Variants in AKAP13 observed in about 807,000 individuals in gnomAD.
AKAP13 encodes the protein A-kinase anchoring protein 13, also known as A-kinase anchor protein 13.
A neutral mutation model predicts 264.5 loss-of-function variants in AKAP13; 80 were observed. That is an observed-to-expected ratio of 0.30 (90% CI 0.25 to 0.36). The LOEUF (loss-of-function observed/expected upper bound fraction) is 0.36, where lower values mean the gene tolerates loss of function less well. Ranked by LOEUF, AKAP13 falls within the 10% of genes least tolerant of loss-of-function variation. AKAP13 has a pLI of 1.00. For synonymous variants in AKAP13, 1,380 were observed against 1,250.2 expected (o/e 1.10, Z -2.19); for missense variants, 3,712 against 3,435.2 (o/e 1.08, Z -2.01).
chr15:85,686,145 C>CTGTG (rs36166313), intron 16 of AKAP13, among the ~76,000 whole-genome samples: 29,607 of 149,408 alleles, frequency 0.2, 3,030 homozygotes, highest in Non-Finnish European at 0.22. Flanking sequence ...CAAGGAATCA[C>CTGTG]TGTGTGTGTG....
At chr15:85,690,473 A>G (rs1198741637) in intron 16 of AKAP13, among the ~76,000 whole-genome samples, 1 of 152,208 alleles carries the variant, frequency 6.6e-6, no homozygotes, top group Non-Finnish European at 1.5e-5. Context: ...TACTTTAGTG[A>G]TTACCAATTT....
At chr15:85,530,393 T>G (rs1051084172) in intron 3 of AKAP13, among the ~76,000 whole-genome samples, 1 of 152,172 alleles carries the variant, frequency 6.6e-6, no homozygotes, top group East Asian at 1.9e-4. Context: ...CCCTTTCTGA[T>G]TCAAGGGTTC....
At chr15:85,443,064 TA>T (rs953294644) in intron 1 of AKAP13, among the ~76,000 whole-genome samples, 145 of 152,276 alleles carry the variant, frequency 9.5e-4, no homozygotes, top group African/African-American at 3.3e-3. Flanking sequence ...GGGGAAAACT[TA>T]AGTATCATTC....
At position 85,735,419 on chromosome 15, in the gene AKAP13, T is replaced by G. The variant is rs1015475394; in HGVS notation, c.7442-141T>G. 4 of 894,398 alleles carry G rather than the reference T, an allele frequency of 4.5e-6. No individual in the cohort carries two copies. In the African/African-American group the frequency reaches 6.8e-5, roughly 15 times the overall value. 55.4% of individuals were successfully genotyped at this position (894,398 alleles called of 1,614,324 possible). On this transcript the variant is annotated intron_variant, in intron 31 of 36. Coordinates refer to ENST00000394518, the MANE Select transcript of AKAP13 (RefSeq NM_007200.5). ...GTAAAATTATTAATAATCACTTAGCTGCCACCAAGCAGCTCCCCCTTTTTG... is the reference window on the plus strand; with the variant it reads ...GTAAAATTATTAATAATCACTTAGCGGCCACCAAGCAGCTCCCCCTTTTTG...
At chr15:85,401,463 C>T (rs758597606) in intron 1 of AKAP13, among the ~76,000 whole-genome samples, 3 of 152,162 alleles carry the variant, frequency 2.0e-5, no homozygotes, top group Non-Finnish European at 4.4e-5. Flanking sequence ...GCAAGGCCAG[C>T]TTTGATTTGT....
At chr15:85,684,704 C>T in intron 15 of AKAP13, 37 bp from the exon 16 acceptor site, 1 of 1,586,168 alleles carries the variant, frequency 6.3e-7, no homozygotes, top group South Asian at 1.1e-5. Context: ...ACTTCTGTAG[C>T]CCTTTAAAAA....
intron 8 of AKAP13, among the ~76,000 whole-genome samples, chr15:85,604,557 G>A (rs768246974): frequency 2.0e-5 from 3 of 151,446 alleles, no homozygotes; most frequent in Non-Finnish European, 4.4e-5. Context: ...TCTGCCTCCC[G>A]GGTTCAAGCA....
chr15:85,410,327 G>T (rs773642971), intron 1 of AKAP13, among the ~76,000 whole-genome samples: 3 of 151,580 alleles, frequency 2.0e-5, no homozygotes, highest in Non-Finnish European at 4.4e-5. Flanking sequence ...CCCTACTCAT[G>T]CCCTTCTTGT....
chr15:85,710,150 C>A (rs2086557772), intron 18 of AKAP13, among the ~76,000 whole-genome samples: 1 of 152,148 alleles, frequency 6.6e-6, no homozygotes, highest in South Asian at 2.1e-4. Context: ...CTTATAAATG[C>A]TAGTTACTGG....
At chr15:85,456,518 AAAGGC>A (rs2074283860) in intron 1 of AKAP13, among the ~76,000 whole-genome samples, 1 of 150,910 alleles carries the variant, frequency 6.6e-6, no homozygotes, top group African/African-American at 2.4e-5. Context: ...GGGCTACCCC[AAAGGC>A]AGTGTTCCCA....
At chr15:85,453,691 G>A (rs1403156036) in intron 1 of AKAP13, among the ~76,000 whole-genome samples, 1 of 152,194 alleles carries the variant, frequency 6.6e-6, no homozygotes, top group East Asian at 1.9e-4. Context: ...GGTTGCCTCA[G>A]ACACTCTGAA....
intron 2 of AKAP13, among the ~76,000 whole-genome samples, chr15:85,506,597 A>G (rs1044049909): frequency 6.6e-6 from 1 of 152,242 alleles, no homozygotes; most frequent in African/African-American, 2.4e-5. Flanking sequence ...TGCTATGGAA[A>G]AAATAAAGCA....
chr15:85,731,610 G>T (rs1266626570), intron 30 of AKAP13, among the ~76,000 whole-genome samples: 4 of 151,942 alleles, frequency 2.6e-5, no homozygotes, highest in Non-Finnish European at 5.9e-5. Flanking sequence ...TTATAGTGTT[G>T]TGTTCTTTCA....
chr15:85,567,941 GGTGTGTGTGTGT>G (rs57049395), intron 5 of AKAP13, among the ~76,000 whole-genome samples: 19 of 141,930 alleles, frequency 1.3e-4, no homozygotes, highest in South Asian at 1.2e-3. Flanking sequence ...AGCCCAAAGA[GGTGTGTGTGTGT>G]GTGTGTGTGT....
chr15:85,702,731 T>A (rs1229239102), intron 17 of AKAP13: 1 of 152,208 alleles, frequency 6.6e-6, no homozygotes, highest in Admixed American at 6.5e-5. Flanking sequence ...AAACTGGGAC[T>A]TTTTATCTCA....
At chr15:85,573,346 C>G (rs1567132729) in intron 5 of AKAP13, among the ~76,000 whole-genome samples, 1 of 152,040 alleles carries the variant, frequency 6.6e-6, no homozygotes. Context: ...AGTTCGAGAT[C>G]AGCCTGGCCA....
chr15:85,736,963 G>T (rs1168633984), intron 33 of AKAP13, among the ~76,000 whole-genome samples: 2 of 130,914 alleles, frequency 1.5e-5, no homozygotes, highest in African/African-American at 6.0e-5. Context: ...CTGTTGTCCA[G>T]GCTGGAGTAC....
intron 1 of AKAP13, among the ~76,000 whole-genome samples, chr15:85,405,897 T>TA (rs753091813): frequency 1.3e-5 from 2 of 152,180 alleles, no homozygotes; most frequent in Non-Finnish European, 1.5e-5. Flanking sequence ...CCAAGGCTGT[T>TA]AGAGTACACT....
chr15:85,480,013 G>A (rs2075301145), intron 1 of AKAP13, among the ~76,000 whole-genome samples: 3 of 152,230 alleles, frequency 2.0e-5, no homozygotes, highest in South Asian at 4.1e-4. Flanking sequence ...TGAATGACAA[G>A]GGACTTTAAA....
Sources: gnomAD v4.1 joint callset for allele counts (sites outside exome capture counted in the v4.1 genomes callset) on GRCh38, gnomAD v4.1.1 for gene constraint, MANE v1.5 for transcripts, NCBI Gene and HGNC (gene_info 2026-07-23, HGNC 2026-07-21) for gene names.